The following INPP5B variants were observed in gnomAD, a reference collection of about 807,000 sequenced individuals.
The protein encoded by INPP5B is inositol polyphosphate-5-phosphatase B.
INPP5B carries 90 observed loss-of-function variants against 118.5 expected under a neutral mutation model. The ratio of observed to expected loss-of-function variants is 0.76; its 90% CI spans 0.64 to 0.90. The LOEUF (loss-of-function observed/expected upper bound fraction) is 0.90, where lower values mean the gene tolerates loss of function less well. Ranked by LOEUF, INPP5B falls within the 40% of genes least tolerant of loss-of-function variation. INPP5B has a pLI of 0.00. For missense variants in INPP5B, 984 were observed against 1,125.6 expected, an observed-to-expected ratio of 0.87 and a Z score of 1.80; for synonymous variants, 385 against 418.9, an observed-to-expected ratio of 0.92 and a Z score of 0.99.
intron 7 of INPP5B, among the ~76,000 whole-genome samples, chr1:37,899,363 A>C (rs983111274): frequency 2.6e-5 from 4 of 151,894 alleles, no homozygotes; most frequent in Non-Finnish European, 5.9e-5. Context: ...TGGGAGTTCG[A>C]GACCAGCCTG....
At chr1:37,902,742 G>A (rs1644376921) in intron 7 of INPP5B, among the ~76,000 whole-genome samples, 1 of 152,066 alleles carries the variant, frequency 6.6e-6, no homozygotes. Flanking sequence ...ATTTTTAGTA[G>A]AGATGGGATT....
chr1:37,900,069 T>C (rs1644273422), intron 7 of INPP5B, among the ~76,000 whole-genome samples: 2 of 148,450 alleles, frequency 1.3e-5, no homozygotes, highest in African/African-American at 5.1e-5. Context: ...CATGTTTACC[T>C]TGAATTTTTT....
intron 15 of INPP5B, among the ~76,000 whole-genome samples, chr1:37,878,942 A>C (rs1162881192): frequency 1.4e-5 from 2 of 144,216 alleles, no homozygotes; most frequent in South Asian, 5.1e-4. Flanking sequence ...GAGCCACCGC[A>C]CCCAGCCTAT....
chr1:37,896,119 C>G (rs1386314712), intron 7 of INPP5B, among the ~76,000 whole-genome samples: 1 of 151,608 alleles, frequency 6.6e-6, no homozygotes, highest in African/African-American at 2.4e-5. Context: ...AGCGTCTCTG[C>G]CCGGCCGCCC....
In INPP5B at chr1:37,936,247, T is replaced by G. The variant is rs561503770; in HGVS notation, c.392-4194A>C. Among the ~76,000 whole-genome samples the G allele has an allele frequency of 2.6e-5, 4 of 152,146 alleles. No individual in the cohort carries two copies. The East Asian group carries it at 7.7e-4, about 29-fold the overall frequency. The stretch of plus-strand genomic sequence containing the variant: ...CAGTCCCCACCAAAGGTCCTGCCCT[T>G]CCCTCCGACTGCCAAGCCCTTTTCC... On this transcript the variant is annotated intron_variant, in intron 6 of 23. Transcript: ENST00000373024.
chr1:37,886,818 T>G, intron 12 of INPP5B, 70 bp downstream of exon 12: 1 of 1,050,094 alleles, frequency 9.5e-7, no homozygotes. Flanking sequence ...AGTCACTGTG[T>G]CATCAGAAGT....
At chr1:37,909,621 TTAGATGCTTTACCGCCC>T (rs1475998833) in intron 7 of INPP5B, among the ~76,000 whole-genome samples, 1 of 152,142 alleles carries the variant, frequency 6.6e-6, no homozygotes, top group African/African-American at 2.4e-5. Context: ...GCAACAACCC[TTAGATGCTTTACCGCCC>T]TAGACCCAGA....
rs1643290395 is a variant in INPP5B at position 37,882,887 on chromosome 1, T to C, written c.1351A>G (p.Arg451Gly). Residue 451 changes from arginine (R) to glycine (G), a missense_variant, in exon 14 of 24, where the codon AGG becomes GGG. Around this residue, in one of 2 missense-constraint regions of INPP5B, gnomAD observed 634 missense variants for 791.0 expected, o/e 0.80. Transcript: ENST00000373024. ...TTTTCCACATCCAGCTCTTCTATCC[T>C]GTAGTTGAGGTCCCCCAGCCACAAG... ...VILWLGDLNYRIEELDVEKVK... is the reference protein window; with the variant it reads ...VILWLGDLNYGIEELDVEKVK... The C allele has an allele frequency of 1.2e-6, 2 of 1,614,118 alleles. No individual in the cohort carries two copies. Among genetic ancestry groups the C allele is most frequent in the Non-Finnish European group, 1.7e-6 (2 of 1,179,992 alleles).
At position 37,941,709 on chromosome 1, in the gene INPP5B, C is replaced by T. The variant is rs369136644; in HGVS notation, c.281-911G>A. ...ATCCCAGCACTTTGGGAGGCCGAGG[C>T]GGGCGGATCACGAGGTCAGGAGATC... On this transcript the variant is annotated intron_variant, in intron 5 of 23. Coordinates refer to ENST00000373024, the MANE Select transcript of INPP5B (RefSeq NM_005540.3). Among the ~76,000 whole-genome samples the T allele has an allele frequency of 1.8e-3, 259 of 144,810 alleles. 1 individual carries two copies. The highest frequency in any genetic ancestry group is 6.2e-3 in the African/African-American group (244 of 39,582).
intron 7 of INPP5B, among the ~76,000 whole-genome samples, chr1:37,915,464 G>C (rs1644832542): frequency 6.6e-6 from 1 of 152,162 alleles, no homozygotes; most frequent in South Asian, 2.1e-4. Context: ...ATTGAGCTTG[G>C]GTCAAACTTA....
chr1:37,878,778 T>C (rs1054538803), intron 15 of INPP5B, among the ~76,000 whole-genome samples: 1 of 151,702 alleles, frequency 6.6e-6, no homozygotes, highest in African/African-American at 2.4e-5. Flanking sequence ...GCCTCCCGAA[T>C]AGCTGGGACT....
At chr1:37,935,189 A>C (rs1257477446) in intron 6 of INPP5B, among the ~76,000 whole-genome samples, 1 of 105,996 alleles carries the variant, frequency 9.4e-6, no homozygotes, top group African/African-American at 3.6e-5. Context: ...CGACAGAGCC[A>C]GACTCCATCT....
chr1:37,887,988 A>G (rs1423165277), intron 10 of INPP5B, among the ~76,000 whole-genome samples: 1 of 152,238 alleles, frequency 6.6e-6, no homozygotes, highest in African/African-American at 2.4e-5. Flanking sequence ...TTCAGGATGC[A>G]CTGAGTTCAG....
chr1:37,900,960 C>T (rs561292297), intron 7 of INPP5B, among the ~76,000 whole-genome samples: 38 of 151,386 alleles, frequency 2.5e-4, no homozygotes, highest in Non-Finnish European at 4.6e-4. Context: ...TACAGGCATG[C>T]GCCACCACAC....
chr1:37,912,701 G>C (rs1644741229), intron 7 of INPP5B, among the ~76,000 whole-genome samples: 1 of 152,108 alleles, frequency 6.6e-6, no homozygotes, highest in Non-Finnish European at 1.5e-5. Context: ...AGAGTGGATA[G>C]ATGAACTTTG....
intron 9 of INPP5B, among the ~76,000 whole-genome samples, chr1:37,889,219 A>G (rs1029374288): frequency 6.6e-6 from 1 of 152,244 alleles, no homozygotes; most frequent in African/African-American, 2.4e-5. Flanking sequence ...CCTGGGCAAC[A>G]AAGCGAGACC....
At chr1:37,908,606 G>A (rs1238511129) in intron 7 of INPP5B, among the ~76,000 whole-genome samples, 3 of 152,038 alleles carry the variant, frequency 2.0e-5, no homozygotes, top group East Asian at 3.8e-4. Context: ...AAGAGACAAG[G>A]AGACACATTT....
At chr1:37,917,283 C>T (rs1423835242) in intron 7 of INPP5B, among the ~76,000 whole-genome samples, 4 of 100,476 alleles carry the variant, frequency 4.0e-5, no homozygotes, top group Admixed American at 1.2e-4. Context: ...AGCAAGACTC[C>T]GTCTCGGGGG....
At chr1:37,908,443 G>C (rs1644572549) in intron 7 of INPP5B, among the ~76,000 whole-genome samples, 1 of 152,110 alleles carries the variant, frequency 6.6e-6, no homozygotes, top group Admixed American at 6.6e-5. Flanking sequence ...CTCTAGTAGA[G>C]ACAAGGAGAC....
Sources: gnomAD v4.1 joint callset for allele counts (sites outside exome capture counted in the v4.1 genomes callset) on GRCh38, gnomAD v4.1.1 for gene constraint, gnomAD v4.1.1 regional missense constraint, MANE v1.5 for transcripts, NCBI Gene and HGNC (gene_info 2026-07-23, HGNC 2026-07-21) for gene names.